The following AGTR1 variants were observed in gnomAD, a reference collection of about 807,000 sequenced individuals.
AGTR1 encodes the protein angiotensin II receptor type 1, also known as type-1 angiotensin II receptor.
AGTR1 carries 16 observed loss-of-function variants against 19.4 expected under a neutral mutation model. The ratio of observed to expected loss-of-function variants is 0.82; its 90% confidence interval spans 0.56 to 1.25. The LOEUF is 1.25. AGTR1 is among the 50% of genes most tolerant of loss of function. The pLI is 0.00. For missense variants in AGTR1, 373 were observed against 431.9 expected (o/e 0.86, Z 1.21); for synonymous variants, 153 against 154.9 (o/e 0.99, Z 0.09).
intron 2 of AGTR1, among the ~76,000 whole-genome samples, chr3:148,710,170 T>C (rs181881244): frequency 3.7e-4 from 56 of 152,306 alleles, no homozygotes; most frequent in African/African-American, 1.1e-3. Flanking sequence ...GCAGACTTTC[T>C]TGGCCACTTG....
intron 1 of AGTR1, among the ~76,000 whole-genome samples, chr3:148,700,398 T>C (rs1712268845): frequency 6.6e-6 from 1 of 152,202 alleles, no homozygotes; most frequent in Non-Finnish European, 1.5e-5. Context: ...TCATTTTATC[T>C]GTGCTGCCAC....
In AGTR1 at chr3:148,742,787, G is replaced by C. The variant is rs573914143; in HGVS notation, c.*672G>C. On this transcript the variant is annotated 3_prime_UTR_variant, in exon 3 of 3. Coordinates refer to ENST00000349243, the MANE Select transcript of AGTR1 (RefSeq NM_000685.5). ...AAAGGTGCTGCACTGGTCCCAAGTA[G>C]TAGTGTCTTCCTAGTATATTAGTTT... is the stretch of plus-strand genomic sequence containing the variant. The C allele has an allele frequency of 4.8e-4, 81 of 168,800 alleles. No homozygotes were observed. In the South Asian group the frequency reaches 6.5e-3, roughly 13 times the overall value. The allele number at this position is 168,800 out of a possible 1,614,324, so 10.5% of individuals were successfully genotyped here. A position where few individuals can be genotyped will look rare whatever the true frequency, so the allele number is the denominator to read the frequency against.
At chr3:148,731,388 T>G (rs1714247959) in intron 2 of AGTR1, 1 of 152,202 alleles carries the variant, frequency 6.6e-6, no homozygotes, top group African/African-American at 2.4e-5. Context: ...ACTATTTTAC[T>G]TTTCTTTCAG....
intron 2 of AGTR1, among the ~76,000 whole-genome samples, chr3:148,719,421 T>G (rs1713484701): frequency 6.6e-6 from 1 of 152,220 alleles, no homozygotes; most frequent in South Asian, 2.1e-4. Flanking sequence ...GGATCTGTAT[T>G]ATTTTTCTCT....
chr3:148,725,201 T>C (rs1161654758), intron 2 of AGTR1, among the ~76,000 whole-genome samples: 1 of 152,214 alleles, frequency 6.6e-6, no homozygotes. Flanking sequence ...AGGAAGTTTC[T>C]GTCATTTAAT....
At chr3:148,711,031 A>T (rs1712952656) in intron 2 of AGTR1, among the ~76,000 whole-genome samples, 1 of 152,162 alleles carries the variant, frequency 6.6e-6, no homozygotes, top group Admixed American at 6.5e-5. Context: ...AGCCTGCAGA[A>T]CCAGGAGTCA....
chr3:148,720,457 T>C (rs1258113389), intron 2 of AGTR1, among the ~76,000 whole-genome samples: 1 of 152,210 alleles, frequency 6.6e-6, no homozygotes, highest in African/African-American at 2.4e-5. Flanking sequence ...TCTAAAAGCC[T>C]CTTGCAAACT....
intron 1 of AGTR1, among the ~76,000 whole-genome samples, chr3:148,701,326 G>T (rs960926341): frequency 6.6e-6 from 1 of 152,212 alleles, no homozygotes; most frequent in Non-Finnish European, 1.5e-5. Context: ...ATTGCTGCTA[G>T]CTGTGGTTGT....
intron 2 of AGTR1, among the ~76,000 whole-genome samples, chr3:148,727,543 C>T (rs947590683): frequency 2.6e-5 from 4 of 152,190 alleles, no homozygotes; most frequent in Non-Finnish European, 5.9e-5. Context: ...TCTTGAAACC[C>T]TAATGATGAA....
intron 2 of AGTR1, among the ~76,000 whole-genome samples, chr3:148,726,708 G>A (rs757476172): frequency 1.3e-5 from 2 of 152,070 alleles, no homozygotes; most frequent in Non-Finnish European, 2.9e-5. Flanking sequence ...GGGAAAGGCT[G>A]TGTGCCTCTT....
rs1267802727 is a variant in AGTR1, at chr3:148,741,053, T to C, written c.18T>C (p.Ser6=). 5 of 1,613,670 alleles carry C rather than the reference T, an allele frequency of 3.1e-6. No homozygotes were observed. The highest frequency in any genetic ancestry group is 4.2e-6 in the Non-Finnish European group (5 of 1,179,632). The change falls in exon 3 of 3, where the codon TCT becomes TCC. Residue 6 remains serine, a synonymous_variant. Coordinates refer to ENST00000349243, the MANE Select transcript of AGTR1 (RefSeq NM_000685.5). ...TGATCAAAATGATTCTCAACTCTTCTACTGAAGATGGTATTAAAAGAATCC... is the reference window on the plus strand; with the variant it reads ...TGATCAAAATGATTCTCAACTCTTCCACTGAAGATGGTATTAAAAGAATCC... MILNS[S]TEDGIKRIQD... is the part of the protein sequence containing the mutation.
chr3:148,738,511 A>G (rs538974446), intron 2 of AGTR1, among the ~76,000 whole-genome samples: 3 of 152,308 alleles, frequency 2.0e-5, no homozygotes, highest in South Asian at 2.1e-4. Context: ...ATGTGTCTAT[A>G]TAAATGAATT....
At chr3:148,728,574 CTGATAAGT>C (rs1484951854) in intron 2 of AGTR1, among the ~76,000 whole-genome samples, 1 of 152,158 alleles carries the variant, frequency 6.6e-6, no homozygotes, top group Non-Finnish European at 1.5e-5. Flanking sequence ...TACCCAGCAT[CTGATAAGT>C]AGTTAATGAT....
In AGTR1 at chr3:148,740,223, T is replaced by C. The variant is rs12721318; in HGVS notation, c.-47-766T>C. Among the ~76,000 whole-genome samples, 932 of 152,330 alleles carry C rather than the reference T, an allele frequency of 6.1e-3. 9 individuals are homozygous for C. The highest frequency in any genetic ancestry group is 0.021 in the African/African-American group (870 of 41,572). ...GATAATCCTAGCCAAACCTATTCAT[T>C]TGACATCTTTGTTACACAAATGGTT... is the stretch of plus-strand genomic sequence containing the variant. On this transcript the variant is annotated intron_variant, in intron 2 of 2. Coordinates refer to ENST00000349243, the MANE Select transcript of AGTR1 (RefSeq NM_000685.5).
At chr3:148,740,489 A>AATACTT (rs1173283374) in intron 2 of AGTR1, among the ~76,000 whole-genome samples, 1 of 152,220 alleles carries the variant, frequency 6.6e-6, no homozygotes, top group Non-Finnish European at 1.5e-5. Context: ...CTTAAGGGAG[A>AATACTT]ATACTTATAA....
In AGTR1 at chr3:148,739,343, A is replaced by T. The variant is rs553191920; in HGVS notation, c.-47-1646A>T. 2.0e-5 allele frequency among the ~76,000 whole-genome samples: 3 copies of T among 151,284 alleles called. 1 individual carries two copies. In the South Asian group the frequency reaches 6.3e-4, roughly 32 times the overall value. On this transcript the variant is annotated intron_variant, in intron 2 of 2. Coordinates refer to ENST00000349243, the MANE Select transcript of AGTR1 (RefSeq NM_000685.5). ...CACTGCACTCCAGCCTGGGCAATAC[A>T]GTGACACTCTGTCTCAGAAAAAAAA... is the stretch of plus-strand genomic sequence containing the variant.
chr3:148,728,064 A>G (rs1280592389), intron 2 of AGTR1, among the ~76,000 whole-genome samples: 2 of 152,156 alleles, frequency 1.3e-5, no homozygotes, highest in Admixed American at 6.5e-5. Flanking sequence ...GACATTGCCA[A>G]ATATCCCTGG....
At chr3:148,708,437 T>A (rs1576524869) in intron 2 of AGTR1, among the ~76,000 whole-genome samples, 1 of 152,264 alleles carries the variant, frequency 6.6e-6, no homozygotes, top group Non-Finnish European at 1.5e-5. Context: ...ACCCCAGTGC[T>A]CACTTTCGGA....
intron 2 of AGTR1, among the ~76,000 whole-genome samples, chr3:148,711,500 G>A (rs971905411): frequency 2.0e-5 from 3 of 151,854 alleles, no homozygotes; most frequent in Admixed American, 6.6e-5. Context: ...AATATTAATC[G>A]CAGAATCTTA....
Sources: gnomAD v4.1 joint callset for allele counts (sites outside exome capture counted in the v4.1 genomes callset) on GRCh38, gnomAD v4.1.1 for gene constraint, MANE v1.5 for transcripts, NCBI Gene and HGNC (gene_info 2026-07-23, HGNC 2026-07-21) for gene names.